FBN1: variants seen among roughly 807,000 people sequenced by gnomAD.
FBN1 encodes the protein fibrillin 1, also known as fibrillin-1.
In FBN1, 29 loss-of-function variants were observed where a neutral mutation model predicts 365.1. The observed-to-expected ratio is 0.08, with a 90% CI of 0.06 to 0.11. The LOEUF (loss-of-function observed/expected upper bound fraction) is 0.11. Ranked by LOEUF, FBN1 falls within the 10% of genes least tolerant of loss-of-function variation. The pLI, the probability that FBN1 is intolerant of heterozygous loss-of-function variation, is 1.00. For synonymous variants in FBN1, 1,210 were observed against 1,270.5 expected, an observed-to-expected ratio of 0.95 and a Z score of 1.01; for missense variants, 2,476 against 3,703.2, an observed-to-expected ratio of 0.67 and a Z score of 8.60.
At position 48,490,055 on chromosome 15, in the gene FBN1, G is replaced by A. The variant is rs1469750878; in HGVS notation, c.2878C>T (p.Leu960=). The A allele has an allele frequency of 1.9e-6, 3 of 1,614,058 alleles. No individual in the cohort carries two copies. The African/African-American group carries it at 4.0e-5, about 22-fold the overall frequency. The change falls in exon 25 of 66, where the codon CTG becomes TTG. Residue 960 remains leucine, a synonymous_variant. Coordinates refer to ENST00000316623, the MANE Select transcript of FBN1 (RefSeq NM_000138.5). ...GTGCACTCCTCGTCCTCGTACCTCA[G>A]GAAGCAGGTTTCCAGGCGGATATCT... ...CLDIRLETCF[L]RYEDEECTLP... is the part of the protein sequence containing the mutation.
At chr15:48,550,560 C>T (rs1418914112) in intron 6 of FBN1, among the ~76,000 whole-genome samples, 1 of 152,130 alleles carries the variant, frequency 6.6e-6, no homozygotes, top group African/African-American at 2.4e-5. Context: ...GTGAACCTAA[C>T]TTCAGTTAGA....
Position 48,472,681 on chromosome 15 carries a change from A to G in FBN1, c.4211-5T>C, listed in dbSNP as rs2043386998. 1 of 1,614,172 alleles carries G rather than the reference A, an allele frequency of 6.2e-7. No individual in the cohort carries two copies. The highest frequency in any genetic ancestry group is 8.5e-7 in the Non-Finnish European group (1 of 1,180,012). Reference sequence around the variant, plus strand: ...TCTCAGAGCACTCATCAAGGTCTACAGCCAGAAAGAAACACACGTTACTCT... The same window carrying G: ...TCTCAGAGCACTCATCAAGGTCTACGGCCAGAAAGAAACACACGTTACTCT... On this transcript the variant is annotated splice_polypyrimidine_tract_variant and splice_region_variant and intron_variant, in intron 34 of 65. Coordinates refer to ENST00000316623, the MANE Select transcript of FBN1 (RefSeq NM_000138.5).
chr15:48,428,215 T>C, intron 57 of FBN1, 131 bp downstream of exon 57: 1 of 1,223,598 alleles, frequency 8.2e-7, no homozygotes, highest in Non-Finnish European at 1.2e-6. Flanking sequence ...TTACGGCATC[T>C]CCAAAATATG....
chr15:48,515,775 CA>C (rs1265286424), intron 11 of FBN1, among the ~76,000 whole-genome samples: 1 of 152,188 alleles, frequency 6.6e-6, no homozygotes, highest in Non-Finnish European at 1.5e-5. Flanking sequence ...ACCTCACTCT[CA>C]AACCTCTAGT....
chr15:48,408,515 T>C lies in FBN1; in HGVS notation c.*2475A>G, dbSNP rs1170811862. ...TTCAACCCTACTTACAAAATAATTA[T>C]TGGCAAATGAAATGGGCTGAGGGGG... On this transcript the variant is annotated 3_prime_UTR_variant, in exon 66 of 66. Coordinates refer to ENST00000316623, the MANE Select transcript of FBN1 (RefSeq NM_000138.5). 2 of 152,646 alleles carry C rather than the reference T, an allele frequency of 1.3e-5. No individual in the cohort carries two copies. Among genetic ancestry groups the C allele is most frequent in the Admixed American group, 6.5e-5 (1 of 15,284 alleles). The allele number at this position is 152,646 out of a possible 1,614,324, so 9.5% of individuals were successfully genotyped here. A position where few individuals can be genotyped will look rare whatever the true frequency, so the allele number is the denominator to read the frequency against.
intron 8 of FBN1, chr15:48,529,243 G>A (rs1326500543): frequency 6.6e-6 from 1 of 152,356 alleles, no homozygotes; most frequent in Non-Finnish European, 1.5e-5. Flanking sequence ...AGGAGGCAGA[G>A]CTGCTGGGGA....
At chr15:48,582,023 T>C (rs920043447) in intron 6 of FBN1, among the ~76,000 whole-genome samples, 10 of 152,156 alleles carry the variant, frequency 6.6e-5, no homozygotes, top group South Asian at 2.1e-4. Flanking sequence ...AGGGATGACA[T>C]AAATGTGGCA....
intron 6 of FBN1, among the ~76,000 whole-genome samples, chr15:48,591,264 A>T (rs2044474552): frequency 6.6e-6 from 1 of 152,336 alleles, no homozygotes; most frequent in Non-Finnish European, 1.5e-5. Context: ...AAATTACTGT[A>T]GGCTGTTTCT....
chr15:48,518,220 A>C (rs1453825862), intron 10 of FBN1, among the ~76,000 whole-genome samples: 1 of 152,154 alleles, frequency 6.6e-6, no homozygotes, highest in Non-Finnish European at 1.5e-5. Flanking sequence ...CTTCCTATAG[A>C]TTTATCATCT....
At chr15:48,526,733 A>C (rs1196686626) in intron 8 of FBN1, among the ~76,000 whole-genome samples, 2 of 151,884 alleles carry the variant, frequency 1.3e-5, no homozygotes, top group African/African-American at 4.8e-5. Context: ...GCTGATCCCA[A>C]CTTGGCCAAC....
chr15:48,432,806 G>T, intron 55 of FBN1, 60 bp downstream of exon 55: 1 of 1,603,410 alleles, frequency 6.2e-7, no homozygotes, highest in Non-Finnish European at 8.5e-7. Context: ...AGCTTTGAGG[G>T]ACATCTCCCC....
chr15:48,456,642 C>T lies in FBN1; in HGVS notation c.5417G>A (p.Cys1806Tyr). The T allele has an allele frequency of 1.2e-6, 2 of 1,613,838 alleles. No individual in the cohort carries two copies. The highest frequency in any genetic ancestry group is 1.7e-6 in the Non-Finnish European group (2 of 1,179,848). ...GFFYNDKLLVCEDIDECQNGP... is the reference protein window; with the variant it reads ...GFFYNDKLLVYEDIDECQNGP... Reference sequence around the variant, plus strand: ...AAAGTCATGATGCCACTTACCTTCACAAACCAACAACTTGTCATTATAGAA... The same window carrying T: ...AAAGTCATGATGCCACTTACCTTCATAAACCAACAACTTGTCATTATAGAA... The change falls in exon 44 of 66, where the codon TGT becomes TAT. Residue 1806 changes from cysteine (C) to tyrosine (Y), a missense_variant. By Grantham distance (194) the Cys-to-Tyr change is radical. This residue lies in a region of FBN1 where 1,780 missense variants were observed against 2,840.8 expected (regional missense o/e 0.63). Transcript: ENST00000316623.
chr15:48,456,843 C>CGTGTGTGCGTGTGTGTGT, intron 43 of FBN1, 81 bp from the exon 44 acceptor site: 1 of 742,924 alleles, frequency 1.3e-6, no homozygotes, highest in Non-Finnish European at 2.3e-6. Flanking sequence ...AAAGTGCGTG[C>CGTGTGTGCGTGTGTGTGT]GTGTGTGTGT....
At chr15:48,457,371 A>G (rs1486947253) in intron 43 of FBN1, among the ~76,000 whole-genome samples, 1 of 152,192 alleles carries the variant, frequency 6.6e-6, no homozygotes, top group Non-Finnish European at 1.5e-5. Flanking sequence ...GCTCTCCAAC[A>G]CTGTGTTATG....
rs117280928 is a variant in FBN1, at chr15:48,626,209, A to G, written c.165-13117T>C. ...GAGGTTGAGGCTAGAGTGAGCCGCA[A>G]TCACGCCACTGCACTCCAGCCTGGG... On this transcript the variant is annotated intron_variant, in intron 2 of 65. Coordinates refer to ENST00000316623, the MANE Select transcript of FBN1 (RefSeq NM_000138.5). 8.2e-3 allele frequency among the ~76,000 whole-genome samples: 1,237 copies of G among 151,634 alleles called. 17 individuals are homozygous for G. The highest frequency in any genetic ancestry group is 0.052 in the South Asian group (246 of 4,746).
chr15:48,450,420 T>C (rs1417736948), intron 45 of FBN1, among the ~76,000 whole-genome samples: 1 of 152,110 alleles, frequency 6.6e-6, no homozygotes, highest in Non-Finnish European at 1.5e-5. Flanking sequence ...TACTTTGGAG[T>C]TCTACTGGTA....
chr15:48,567,036 T>C (rs750669153), intron 6 of FBN1, among the ~76,000 whole-genome samples: 2 of 152,168 alleles, frequency 1.3e-5, no homozygotes, highest in African/African-American at 2.4e-5. Context: ...AATCGGAATC[T>C]GCTCTTGAAC....
Position 48,596,381 on chromosome 15 carries a change from G to A in FBN1, c.443-3C>T. ...GAGACAGCCACTTTCACAAACAGCT[G>A]TAAAATAAGGAGAGAGCTGAGACGC... On this transcript the variant is annotated splice_polypyrimidine_tract_variant and splice_region_variant and intron_variant, in intron 5 of 65. Coordinates refer to ENST00000316623, the MANE Select transcript of FBN1 (RefSeq NM_000138.5). 1 of 1,613,448 alleles carries A rather than the reference G, an allele frequency of 6.2e-7. No individual in the cohort carries two copies. Among genetic ancestry groups the A allele is most frequent in the Non-Finnish European group, 8.5e-7 (1 of 1,179,396 alleles).
rs749654334 is a variant in FBN1, at chr15:48,422,014, G to A, written c.7508C>T (p.Thr2503Ile). ...ACATTTGCATGTGAAGCCGCCAATG[G>A]TGTTAACACATAGGAACTGGCAGTT... Reference protein sequence around the residue: ...QHNCQFLCVNTIGGFTCKCPP... With the variant: ...QHNCQFLCVNIIGGFTCKCPP... The change falls in exon 61 of 66, where the codon ACC (threonine) becomes ATC (isoleucine). Residue 2503 changes from threonine (T) to isoleucine (I), a missense_variant. Transcript: ENST00000316623. 1.2e-6 allele frequency: 2 copies of A among 1,614,128 alleles called. No individual in the cohort carries two copies. The highest frequency in any genetic ancestry group is 1.7e-6 in the Non-Finnish European group (2 of 1,179,984).
Sources: gnomAD v4.1 joint callset for allele counts (sites outside exome capture counted in the v4.1 genomes callset) on GRCh38, gnomAD v4.1.1 for gene constraint, gnomAD v4.1.1 regional missense constraint, MANE v1.5 for transcripts, NCBI Gene and HGNC (gene_info 2026-07-23, HGNC 2026-07-21) for gene names.